Variants in CLSTN2 observed in about 807,000 individuals in gnomAD.
The protein encoded by CLSTN2 is calsyntenin-2.
In CLSTN2, 48 loss-of-function variants were observed where a neutral mutation model predicts 101.2. The ratio of observed to expected loss-of-function variants is 0.47; its 90% CI spans 0.38 to 0.60. CLSTN2 has a LOEUF of 0.60. Among genes scored for constraint, CLSTN2 ranks in the 20% least tolerant of loss-of-function variants. The pLI is 0.00. For missense variants in CLSTN2, 1,160 were observed against 1,238.2 expected, an observed-to-expected ratio of 0.94 and a Z score of 0.95; for synonymous variants, 481 against 463.6, an observed-to-expected ratio of 1.04 and a Z score of -0.48.
At chr3:140,486,245 A>G (rs1489195417) in intron 8 of CLSTN2, among the ~76,000 whole-genome samples, 1 of 150,432 alleles carries the variant, frequency 6.6e-6, no homozygotes, top group African/African-American at 2.5e-5. Context: ...AAAGGAAGGG[A>G]TATCAGAATG....
chr3:140,015,805 G>T (rs2007188919), intron 1 of CLSTN2, among the ~76,000 whole-genome samples: 1 of 152,256 alleles, frequency 6.6e-6, no homozygotes, highest in Non-Finnish European at 1.5e-5. Context: ...TCTGGTCAGG[G>T]CGGGAAGGAC....
At chr3:140,017,772 C>T (rs934675453) in intron 1 of CLSTN2, among the ~76,000 whole-genome samples, 2 of 152,198 alleles carry the variant, frequency 1.3e-5, no homozygotes, top group African/African-American at 2.4e-5. Context: ...TTTAGAGCCT[C>T]CCGCACAAGC....
intron 10 of CLSTN2, among the ~76,000 whole-genome samples, chr3:140,552,780 G>A (rs887995026): frequency 6.6e-6 from 1 of 152,178 alleles, no homozygotes; most frequent in African/African-American, 2.4e-5. Flanking sequence ...AGTAGCCCCT[G>A]CCCTTGAGGT....
intron 2 of CLSTN2, among the ~76,000 whole-genome samples, chr3:140,374,410 G>A (rs1256686276): frequency 6.6e-6 from 1 of 151,976 alleles, no homozygotes; most frequent in African/African-American, 2.4e-5. Flanking sequence ...TGCCTGGTGT[G>A]TCCTCACAGA....
At position 140,467,218 on chromosome 3, in the gene CLSTN2, T is replaced by C. The variant is rs529969428; in HGVS notation, c.1344+487T>C. On this transcript the variant is annotated intron_variant, in intron 8 of 16. Transcript: ENST00000458420. ...CTCTTTTCTGAAGTGGAAAAATCTG[T>C]GACTCACTCCAGAGCCTCGTGACTT... 6.6e-5 allele frequency among the ~76,000 whole-genome samples: 10 copies of C among 152,290 alleles called. No individual in the cohort carries two copies. In the South Asian group the frequency reaches 1.9e-3, roughly 28 times the overall value.
At chr3:140,466,755 C>T (rs745714430) in intron 8 of CLSTN2, 24 bp downstream of exon 8, 1 of 1,613,516 alleles carries the variant, frequency 6.2e-7, no homozygotes, top group East Asian at 2.2e-5. Context: ...CTCACACCTG[C>T]TGCTACTCAT....
intron 2 of CLSTN2, among the ~76,000 whole-genome samples, chr3:140,256,750 C>A (rs969062528): frequency 2.6e-5 from 4 of 152,170 alleles, no homozygotes; most frequent in Non-Finnish European, 5.9e-5. Flanking sequence ...CTATTTGATT[C>A]GGTTCAACAG....
intron 2 of CLSTN2, among the ~76,000 whole-genome samples, chr3:140,305,720 T>C (rs1377100577): frequency 6.6e-6 from 1 of 152,124 alleles, no homozygotes; most frequent in Non-Finnish European, 1.5e-5. Context: ...ATTCAGACTC[T>C]TGAAAAATAT....
chr3:140,212,620 G>T (rs909874227), intron 2 of CLSTN2, among the ~76,000 whole-genome samples: 54 of 152,204 alleles, frequency 3.5e-4, no homozygotes, highest in African/African-American at 1.3e-3. Flanking sequence ...TTGTAACCTG[G>T]CCCATAAGGC....
At chr3:140,206,329 G>C (rs992623785) in intron 2 of CLSTN2, among the ~76,000 whole-genome samples, 2 of 152,210 alleles carry the variant, frequency 1.3e-5, no homozygotes, top group African/African-American at 4.8e-5. Context: ...GATTGGGCTA[G>C]CCCTGCAGAG....
At chr3:140,349,665 A>G (rs1261948809) in intron 2 of CLSTN2, among the ~76,000 whole-genome samples, 1 of 152,240 alleles carries the variant, frequency 6.6e-6, no homozygotes, top group Non-Finnish European at 1.5e-5. Context: ...ATGGTTGCTC[A>G]GACATTTGAA....
chr3:140,436,195 G>C (rs905314603), intron 5 of CLSTN2, among the ~76,000 whole-genome samples: 2 of 152,134 alleles, frequency 1.3e-5, no homozygotes, highest in African/African-American at 4.8e-5. Context: ...AATGTTTTCT[G>C]ATAGCTGTTT....
At chr3:140,298,865 C>G (rs1309954223) in intron 2 of CLSTN2, among the ~76,000 whole-genome samples, 1 of 152,156 alleles carries the variant, frequency 6.6e-6, no homozygotes, top group African/African-American at 2.4e-5. Context: ...CTTGAAGAGG[C>G]AAGGAAGGCC....
chr3:140,217,770 C>T (rs2010938333), intron 2 of CLSTN2, among the ~76,000 whole-genome samples: 1 of 152,116 alleles, frequency 6.6e-6, no homozygotes, highest in Non-Finnish European at 1.5e-5. Flanking sequence ...CCTTAGAAAA[C>T]CAGAACACTA....
At chr3:139,982,609 C>T (rs963310270) in intron 1 of CLSTN2, among the ~76,000 whole-genome samples, 2 of 152,146 alleles carry the variant, frequency 1.3e-5, no homozygotes, top group Non-Finnish European at 2.9e-5. Flanking sequence ...TGGTAGTGTT[C>T]AGAACCAATC....
intron 1 of CLSTN2, among the ~76,000 whole-genome samples, chr3:140,033,935 G>A (rs1008544940): frequency 3.3e-5 from 5 of 152,154 alleles, no homozygotes; most frequent in African/African-American, 9.7e-5. Context: ...ATATGCGGGA[G>A]AGAAAATGTC....
intron 2 of CLSTN2, among the ~76,000 whole-genome samples, chr3:140,333,914 G>T (rs1169091538): frequency 6.6e-6 from 1 of 152,138 alleles, no homozygotes; most frequent in Non-Finnish European, 1.5e-5. Context: ...GAGCAGATCA[G>T]ATAAGGGCTG....
At chr3:140,294,139 A>C (rs764707527) in intron 2 of CLSTN2, among the ~76,000 whole-genome samples, 5 of 152,170 alleles carry the variant, frequency 3.3e-5, no homozygotes, top group African/African-American at 1.2e-4. Context: ...TTTCTATAAA[A>C]TCAAAAGTCT....
chr3:140,030,993 C>T (rs960531723), intron 1 of CLSTN2, among the ~76,000 whole-genome samples: 5 of 152,168 alleles, frequency 3.3e-5, no homozygotes, highest in Admixed American at 6.5e-5. Flanking sequence ...TGGGGAGGTG[C>T]GTTTGCTTTG....
Sources: gnomAD v4.1 joint callset for allele counts (sites outside exome capture counted in the v4.1 genomes callset) on GRCh38, gnomAD v4.1.1 for gene constraint, MANE v1.5 for transcripts, NCBI Gene and HGNC (gene_info 2026-07-23, HGNC 2026-07-21) for gene names.